The following ACBD6 variants were observed in gnomAD, a reference collection of about 807,000 sequenced individuals.
ACBD6 encodes acyl-CoA-binding domain-containing protein 6.
A neutral mutation model predicts 37.2 loss-of-function variants in ACBD6; 28 were observed. That is an observed-to-expected ratio of 0.75 (90% confidence interval 0.56 to 1.03). ACBD6 has a LOEUF of 1.03. Ranked by LOEUF, ACBD6 falls within the 50% of genes least tolerant of loss-of-function variation. The pLI is 0.00. For missense variants in ACBD6, 340 were observed against 337.4 expected, an observed-to-expected ratio of 1.01 and a Z score of -0.06; for synonymous variants, 113 against 126.8, an observed-to-expected ratio of 0.89 and a Z score of 0.73.
intron 3 of ACBD6, among the ~76,000 whole-genome samples, chr1:180,478,385 A>T (rs1053994796): frequency 6.6e-6 from 1 of 152,204 alleles, no homozygotes; most frequent in Non-Finnish European, 1.5e-5. Context: ...CCACTGAATT[A>T]AACAACAATT....
chr1:180,433,840 CGA>C (rs1190145314), intron 3 of ACBD6, among the ~76,000 whole-genome samples: 1 of 151,754 alleles, frequency 6.6e-6, no homozygotes, highest in Non-Finnish European at 1.5e-5. Flanking sequence ...GTCACAATCC[CGA>C]GAGAGAGTCC....
At chr1:180,341,329 A>G (rs1651979548) in intron 6 of ACBD6, among the ~76,000 whole-genome samples, 1 of 152,162 alleles carries the variant, frequency 6.6e-6, no homozygotes, top group African/African-American at 2.4e-5. Context: ...GATAAGAGAA[A>G]ATATTAATAA....
chr1:180,415,174 G>T (rs1228127651), intron 4 of ACBD6, among the ~76,000 whole-genome samples: 1 of 152,016 alleles, frequency 6.6e-6, no homozygotes, highest in Non-Finnish European at 1.5e-5. Flanking sequence ...CAAGGCGGGT[G>T]GATCATAAGG....
intron 6 of ACBD6, among the ~76,000 whole-genome samples, chr1:180,349,185 C>T (rs1276325905): frequency 6.6e-6 from 1 of 151,726 alleles, no homozygotes; most frequent in African/African-American, 2.4e-5. Flanking sequence ...CACGAACTTG[C>T]ATGTCAGGGG....
chr1:180,332,284 A>G (rs1651515345), intron 6 of ACBD6, among the ~76,000 whole-genome samples: 1 of 152,176 alleles, frequency 6.6e-6, no homozygotes, highest in South Asian at 2.1e-4. Context: ...CAGTAACTTC[A>G]TATTTGTTCC....
At chr1:180,330,445 CA>C (rs1001253751) in intron 6 of ACBD6, among the ~76,000 whole-genome samples, 1 of 150,026 alleles carries the variant, frequency 6.7e-6, no homozygotes, top group Non-Finnish European at 1.5e-5. Context: ...AACAAACAAA[CA>C]AAAAAACCAA....
At chr1:180,310,318 C>T (rs1389732799) in intron 7 of ACBD6, among the ~76,000 whole-genome samples, 1 of 152,090 alleles carries the variant, frequency 6.6e-6, no homozygotes, top group Non-Finnish European at 1.5e-5. Flanking sequence ...CATGATTGCG[C>T]CACTACACTC....
intron 1 of ACBD6, among the ~76,000 whole-genome samples, chr1:180,496,914 G>A (rs1427432963): frequency 1.7e-5 from 2 of 116,756 alleles, no homozygotes; most frequent in Non-Finnish European, 3.3e-5. Flanking sequence ...TTTTATAAAT[G>A]AAGAGAGAAG....
intron 4 of ACBD6, among the ~76,000 whole-genome samples, chr1:180,425,494 G>A (rs4543756): frequency 0.096 from 14,630 of 152,238 alleles, 1,016 homozygotes; most frequent in East Asian, 0.36. Context: ...AACAGATGGA[G>A]GGAAGCTTTT....
At chr1:180,435,853 T>C in intron 3 of ACBD6, 1 of 1,241,360 alleles carries the variant, frequency 8.1e-7, no homozygotes, top group Non-Finnish European at 1.2e-6. Context: ...TAAAACCAGG[T>C]ATCAAATTGA....
chr1:180,272,269 C>A (rs1030866500), intron 13 of ACBD6, among the ~76,000 whole-genome samples: 9 of 152,148 alleles, frequency 5.9e-5, no homozygotes, highest in African/African-American at 2.2e-4. Context: ...CCCCTCCCCT[C>A]CTGCTGACTG....
chr1:180,467,448 C>CAAAAAAAAAA (rs57941230), intron 3 of ACBD6, among the ~76,000 whole-genome samples: 26 of 72,514 alleles, frequency 3.6e-4, no homozygotes, highest in Non-Finnish European at 4.1e-4. Flanking sequence ...TCCATCTCTG[C>CAAAAAAAAAA]AAAAAAAAAA....
chr1:180,319,594 C>A (rs1650973440), intron 6 of ACBD6, among the ~76,000 whole-genome samples: 1 of 152,164 alleles, frequency 6.6e-6, no homozygotes, highest in Admixed American at 6.5e-5. Context: ...AATATTAGGT[C>A]TTAGTCATTC....
At chr1:180,448,316 G>A (rs567883971) in intron 3 of ACBD6, among the ~76,000 whole-genome samples, 3 of 152,268 alleles carry the variant, frequency 2.0e-5, no homozygotes, top group African/African-American at 4.8e-5. Context: ...AACTTGGTAT[G>A]AGATTCAACA....
chr1:180,457,053 T>C (rs1017865602), intron 3 of ACBD6, among the ~76,000 whole-genome samples: 8 of 152,134 alleles, frequency 5.3e-5, no homozygotes, highest in Admixed American at 1.3e-4. Flanking sequence ...AACAGCAAAC[T>C]TTTCCTATAA....
chr1:180,455,341 G>A (rs1649874318), intron 3 of ACBD6, among the ~76,000 whole-genome samples: 1 of 151,788 alleles, frequency 6.6e-6, no homozygotes, highest in Non-Finnish European at 1.5e-5. Context: ...TGGACACGGG[G>A]AGGGGAACAT....
intron 4 of ACBD6, among the ~76,000 whole-genome samples, chr1:180,425,022 C>T (rs16856007): frequency 1.3e-5 from 2 of 152,136 alleles, no homozygotes; most frequent in Non-Finnish European, 2.9e-5. Context: ...TCGCTTTAAT[C>T]GCCTTGTCAT....
At chr1:180,492,809 T>A (rs955584772) in intron 2 of ACBD6, among the ~76,000 whole-genome samples, 1 of 152,176 alleles carries the variant, frequency 6.6e-6, no homozygotes, top group African/African-American at 2.4e-5. Flanking sequence ...TAAAAAACAA[T>A]ATTCCCAAGG....
intron 6 of ACBD6, among the ~76,000 whole-genome samples, chr1:180,331,181 A>G (rs1224898198): frequency 6.6e-6 from 1 of 152,230 alleles, no homozygotes; most frequent in Non-Finnish European, 1.5e-5. Flanking sequence ...GGGTATGCCA[A>G]TTACAAGTAA....
Sources: gnomAD v4.1 joint callset for allele counts (sites outside exome capture counted in the v4.1 genomes callset) on GRCh38, gnomAD v4.1.1 for gene constraint, MANE v1.5 for transcripts, NCBI Gene and HGNC (gene_info 2026-07-23, HGNC 2026-07-21) for gene names.